The following LRP1B variants were observed in gnomAD, a reference collection of about 807,000 sequenced individuals.
LRP1B encodes the protein LDL receptor related protein 1B.
LRP1B carries 217 observed loss-of-function variants against 556.6 expected under a neutral mutation model. That is an observed-to-expected ratio of 0.39 (90% CI 0.35 to 0.44). The LOEUF (loss-of-function observed/expected upper bound fraction) is 0.44. Ranked by LOEUF, LRP1B falls within the 20% of genes least tolerant of loss-of-function variation. The pLI is 1.00. For synonymous variants in LRP1B, 2,047 were observed against 1,865.8 expected (o/e 1.10, Z -2.50); for missense variants, 5,053 against 5,620.8 (o/e 0.90, Z 3.23).
At chr2:141,216,615 C>T (rs568779080) in intron 6 of LRP1B, among the ~76,000 whole-genome samples, 1 of 152,284 alleles carries the variant, frequency 6.6e-6, no homozygotes, top group Non-Finnish European at 1.5e-5. Context: ...CTGAGAGTAG[C>T]CACAGTAGAT....
chr2:141,506,484 A>T (rs1683938168), intron 2 of LRP1B, among the ~76,000 whole-genome samples: 1 of 152,104 alleles, frequency 6.6e-6, no homozygotes, highest in Admixed American at 6.6e-5. Context: ...CTAGTGTAAC[A>T]TTCTACTGTA....
At chr2:141,218,704 T>C (rs1682914123) in intron 6 of LRP1B, among the ~76,000 whole-genome samples, 1 of 152,174 alleles carries the variant, frequency 6.6e-6, no homozygotes, top group Non-Finnish European at 1.5e-5. Context: ...CAGATTCAGT[T>C]GATGTCCAAA....
chr2:140,336,766 G>T (rs1307016571), intron 77 of LRP1B, among the ~76,000 whole-genome samples: 1 of 151,896 alleles, frequency 6.6e-6, no homozygotes, highest in Non-Finnish European at 1.5e-5. Context: ...AATTCATTGA[G>T]ACTGGACAGC....
intron 7 of LRP1B, among the ~76,000 whole-genome samples, chr2:141,112,072 A>AC (rs770752504): frequency 2.1e-3 from 30 of 13,982 alleles, no homozygotes; most frequent in South Asian, 5.7e-3. Context: ...ATAAATAAAT[A>AC]ATAAATAAAT....
At chr2:141,639,610 T>G (rs1689257056) in intron 2 of LRP1B, among the ~76,000 whole-genome samples, 1 of 151,456 alleles carries the variant, frequency 6.6e-6, no homozygotes, top group Admixed American at 6.6e-5. Context: ...CTATTTTTCC[T>G]TTTTAAATAT....
intron 41 of LRP1B, among the ~76,000 whole-genome samples, chr2:140,664,400 C>T (rs1376654838): frequency 6.6e-6 from 1 of 151,952 alleles, no homozygotes; most frequent in Admixed American, 6.6e-5. Context: ...AAATTGAAGA[C>T]ATATTGTCAT....
At chr2:141,368,482 T>C (rs1689121313) in intron 3 of LRP1B, among the ~76,000 whole-genome samples, 1 of 152,218 alleles carries the variant, frequency 6.6e-6, no homozygotes. Context: ...TTAGCTTTCG[T>C]ACTACACATC....
At chr2:141,816,698 T>C (rs1228242964) in intron 1 of LRP1B, among the ~76,000 whole-genome samples, 1 of 152,048 alleles carries the variant, frequency 6.6e-6, no homozygotes, top group East Asian at 1.9e-4. Flanking sequence ...ACTAGTTCTG[T>C]CCCTTTAGAG....
chr2:141,574,245 C>A (rs1686648614), intron 2 of LRP1B, among the ~76,000 whole-genome samples: 1 of 152,270 alleles, frequency 6.6e-6, no homozygotes, highest in Admixed American at 6.5e-5. Flanking sequence ...ACTTATCCAC[C>A]ACGATCAAAT....
At chr2:141,167,858 T>C (rs1299169021) in intron 7 of LRP1B, among the ~76,000 whole-genome samples, 1 of 151,980 alleles carries the variant, frequency 6.6e-6, no homozygotes, top group East Asian at 1.9e-4. Context: ...TTTTCAGTGA[T>C]TAATATATAT....
intron 41 of LRP1B, among the ~76,000 whole-genome samples, chr2:140,622,736 G>T (rs563564882): frequency 6.6e-6 from 1 of 152,256 alleles, no homozygotes; most frequent in East Asian, 1.9e-4. Context: ...ATACAAAAAA[G>T]AATGAATGGC....
chr2:140,626,468 A>C (rs1050416507), intron 41 of LRP1B, among the ~76,000 whole-genome samples: 1 of 152,186 alleles, frequency 6.6e-6, no homozygotes, highest in African/African-American at 2.4e-5. Context: ...GAAGAAGGGC[A>C]TATGTGGGAA....
chr2:141,464,600 A>T (rs770907619), intron 3 of LRP1B, among the ~76,000 whole-genome samples: 31,588 of 76,014 alleles, frequency 0.42, 5,847 homozygotes, highest in East Asian at 0.59. Flanking sequence ...ATATATATAT[A>T]TATATATTTT....
At chr2:140,285,904 A>T (rs1022370942) in intron 84 of LRP1B, among the ~76,000 whole-genome samples, 1 of 151,844 alleles carries the variant, frequency 6.6e-6, no homozygotes, top group Non-Finnish European at 1.5e-5. Context: ...TATATGATAT[A>T]GTAAGTAATG....
At chr2:141,114,872 C>A (rs113785011) in intron 7 of LRP1B, among the ~76,000 whole-genome samples, 1,479 of 119,088 alleles carry the variant, frequency 0.012, 14 homozygotes, top group Non-Finnish European at 0.02. Flanking sequence ...AACAGGCATA[C>A]TAATGCAAAA....
intron 43 of LRP1B, among the ~76,000 whole-genome samples, chr2:140,582,164 T>C (rs1180188713): frequency 6.6e-6 from 1 of 152,202 alleles, no homozygotes; most frequent in East Asian, 1.9e-4. Flanking sequence ...GATTGTACCT[T>C]GGGTAAATTC....
chr2:140,851,869 T>C, intron 27 of LRP1B, 86 bp from the exon 28 acceptor site: 1 of 1,287,076 alleles, frequency 7.8e-7, no homozygotes, highest in Non-Finnish European at 1.1e-6. Flanking sequence ...ATTCACCTAA[T>C]GATTCAAAGT....
intron 3 of LRP1B, among the ~76,000 whole-genome samples, chr2:141,328,642 C>T (rs1559008291): frequency 5.3e-5 from 8 of 152,310 alleles, no homozygotes; most frequent in East Asian, 1.9e-4. Context: ...CTAATAATTA[C>T]GTGGTATTCA....
chr2:142,120,012 G>A (rs1031588871), intron 1 of LRP1B, among the ~76,000 whole-genome samples: 4 of 151,926 alleles, frequency 2.6e-5, no homozygotes, highest in Admixed American at 2.0e-4. Context: ...TAATCCAAGG[G>A]CTCTAATTGT....
Sources: allele counts gnomAD v4.1 joint callset (sites outside exome capture counted in the v4.1 genomes callset), GRCh38; gene constraint gnomAD v4.1.1; transcripts MANE v1.5; gene names NCBI Gene and HGNC (gene_info 2026-07-23, HGNC 2026-07-21).